SLC9D1: variants seen among roughly 807,000 people sequenced by gnomAD.
SLC9D1 encodes putative LAG1-interacting protein.
the SLC9D1 span, chr13:113,548,198 G>A: frequency 6.9e-6 from 9 of 1,300,772 alleles, no homozygotes; most frequent in Non-Finnish European, 7.6e-6. Flanking sequence ...GTTATTCAGG[G>A]ACCATCGCAG....
At chr13:113,502,273 G>A in the SLC9D1 span, among the ~76,000 whole-genome samples, 1 of 152,136 alleles carries the variant, frequency 6.6e-6, no homozygotes, top group African/African-American at 2.4e-5. Flanking sequence ...GAGTGCAATG[G>A]TGCAATCTTG....
the SLC9D1 span, among the ~76,000 whole-genome samples, chr13:113,516,065 A>G: frequency 6.6e-6 from 1 of 152,038 alleles, no homozygotes; most frequent in South Asian, 2.1e-4. Flanking sequence ...CATTCTTCCC[A>G]ATTTGGACAC....
chr13:113,495,011 TGC>T, the SLC9D1 span, among the ~76,000 whole-genome samples: 1 of 152,150 alleles, frequency 6.6e-6, no homozygotes, highest in South Asian at 2.1e-4. Flanking sequence ...ATTACAGGCG[TGC>T]GCCACCAGGC....
At chr13:113,532,025 C>A in the SLC9D1 span, among the ~76,000 whole-genome samples, 1 of 152,180 alleles carries the variant, frequency 6.6e-6, no homozygotes. Flanking sequence ...TGGTCTCTGC[C>A]CCTGTTCTCA....
the SLC9D1 span, among the ~76,000 whole-genome samples, chr13:113,519,612 C>T: frequency 1.4e-4 from 22 of 152,190 alleles, no homozygotes; most frequent in Admixed American, 2.0e-4. Context: ...CTGCCGGGCC[C>T]GCCTTGGTCA....
At chr13:113,538,742 A>T in the SLC9D1 span, among the ~76,000 whole-genome samples, 123 of 152,358 alleles carry the variant, frequency 8.1e-4, no homozygotes, top group Admixed American at 2.7e-3. Flanking sequence ...TTTTCTCAAG[A>T]TAAAAATCAT....
chr13:113,546,734 A>G, the SLC9D1 span, among the ~76,000 whole-genome samples: 1 of 152,148 alleles, frequency 6.6e-6, no homozygotes, highest in African/African-American at 2.4e-5. The surrounding 1 kb of genome is among the most constrained non-coding windows in gnomAD (Gnocchi z 7.1). Context: ...GCTCAGGTCC[A>G]GCCCCAGCAC....
chr13:113,498,600 G>C, the SLC9D1 span: 10 of 1,170,358 alleles, frequency 8.5e-6, no homozygotes, highest in Non-Finnish European at 9.6e-6. Context: ...AATTGTTCAC[G>C]TGTATGTTTT....
chr13:113,524,413 C>T, the SLC9D1 span, among the ~76,000 whole-genome samples: 179 of 152,286 alleles, frequency 1.2e-3, 1 homozygote, highest in African/African-American at 4.1e-3. Context: ...GGCGTGATCT[C>T]GGCTCCTGCC....
the SLC9D1 span, among the ~76,000 whole-genome samples, chr13:113,494,077 A>G: frequency 4.3e-3 from 658 of 152,348 alleles, 6 homozygotes; most frequent in Non-Finnish European, 4.4e-3. Flanking sequence ...ATATAGATAC[A>G]TCTTTTAGTA....
chr13:113,508,565 G>A, the SLC9D1 span, among the ~76,000 whole-genome samples: 236 of 152,318 alleles, frequency 1.5e-3, no homozygotes, highest in African/African-American at 5.6e-3. Flanking sequence ...CCTTGTGGAA[G>A]GAGAGAGGGG....
chr13:113,536,848 A>T, the SLC9D1 span, among the ~76,000 whole-genome samples: 2 of 152,198 alleles, frequency 1.3e-5, no homozygotes, highest in African/African-American at 4.8e-5. Flanking sequence ...GTAGGGTTGC[A>T]GGGCCACAGT....
the SLC9D1 span, among the ~76,000 whole-genome samples, chr13:113,540,634 A>C: frequency 2.0e-5 from 3 of 152,368 alleles, no homozygotes; most frequent in Non-Finnish European, 4.4e-5. Context: ...TATAGATATA[A>C]GACCTTTGTC....
At chr13:113,549,723 GAGT>G in the SLC9D1 span, 3 of 791,290 alleles carry the variant, frequency 3.8e-6, no homozygotes, top group Non-Finnish European at 6.7e-6. Context: ...GAATTTTCCG[GAGT>G]AGTTTATTTG....
the SLC9D1 span, among the ~76,000 whole-genome samples, chr13:113,517,312 A>G: frequency 1.8e-4 from 27 of 152,158 alleles, no homozygotes; most frequent in Admixed American, 9.2e-4. Flanking sequence ...AGCTCACTGC[A>G]AGTTCCACCT....
chr13:113,518,593 C>A, the SLC9D1 span, among the ~76,000 whole-genome samples: 1 of 152,152 alleles, frequency 6.6e-6, no homozygotes, highest in Non-Finnish European at 1.5e-5. Flanking sequence ...GTGGGGTGGC[C>A]GTGGCTCCTT....
At chr13:113,523,837 A>G in the SLC9D1 span, among the ~76,000 whole-genome samples, 1 of 152,108 alleles carries the variant, frequency 6.6e-6, no homozygotes, top group African/African-American at 2.4e-5. Flanking sequence ...ATTTTGTTCA[A>G]TGAGTTTTAA....
chr13:113,547,978 T>G, the SLC9D1 span, among the ~76,000 whole-genome samples: 1 of 145,064 alleles, frequency 6.9e-6, no homozygotes, highest in African/African-American at 2.5e-5. Flanking sequence ...AAAAAGAAAT[T>G]TCCACCTTGA....
At chr13:113,495,690 C>T in the SLC9D1 span, 231 of 1,612,154 alleles carry the variant, frequency 1.4e-4, no homozygotes, top group Admixed American at 3.0e-4. Flanking sequence ...CAAACTGCAC[C>T]GCGGGCGAGG....
Sources: allele counts gnomAD v4.1 joint callset (sites outside exome capture counted in the v4.1 genomes callset), GRCh38; gene constraint gnomAD v4.1.1; non-coding constraint Gnocchi (gnomAD v3.1); transcripts MANE v1.5; gene names NCBI Gene and HGNC (gene_info 2026-07-23, HGNC 2026-07-21).